The following LRIG3 variants were observed in gnomAD, a reference collection of about 807,000 sequenced individuals.
LRIG3 encodes the protein leucine rich repeats and immunoglobulin like domains 3.
A neutral mutation model predicts 114.5 loss-of-function variants in LRIG3; 76 were observed. The observed-to-expected ratio is 0.66, with a 90% CI of 0.55 to 0.80. The LOEUF is 0.80. Ranked by LOEUF, LRIG3 falls within the 30% of genes least tolerant of loss-of-function variation. The probability of loss-of-function intolerance (pLI) is 0.00; values close to 1 mark genes in which losing one functional copy is unlikely to be tolerated. For missense variants in LRIG3, 1,239 were observed against 1,382.8 expected (o/e 0.90, Z 1.65); for synonymous variants, 512 against 519.8 (o/e 0.98, Z 0.20).
At chr12:58,873,925 G>T in intron 18 of LRIG3, 130 bp downstream of exon 18, 2 of 1,045,314 alleles carry the variant, frequency 1.9e-6, no homozygotes, top group Non-Finnish European at 2.8e-6. Flanking sequence ...CTAACTAGTC[G>T]GATGTCATGG....
At chr12:58,901,560 G>A (rs951493401) in intron 3 of LRIG3, among the ~76,000 whole-genome samples, 2 of 152,106 alleles carry the variant, frequency 1.3e-5, no homozygotes, top group African/African-American at 2.4e-5. Context: ...GGCTACCACC[G>A]GGTACAGCAC....
intron 13 of LRIG3, among the ~76,000 whole-genome samples, chr12:58,879,345 T>C (rs1001158435): frequency 2.0e-5 from 3 of 152,216 alleles, no homozygotes; most frequent in Admixed American, 2.0e-4. Context: ...GGTCATCTGA[T>C]TCTCAGAATG....
intron 3 of LRIG3, among the ~76,000 whole-genome samples, chr12:58,903,805 G>C (rs11172815): frequency 0.074 from 11,056 of 150,168 alleles, 445 homozygotes; most frequent in East Asian, 0.11. Flanking sequence ...TTTCCCAGCA[G>C]CATTTATTAA....
chr12:58,892,993 G>A (rs1871507551), intron 3 of LRIG3, among the ~76,000 whole-genome samples: 1 of 152,200 alleles, frequency 6.6e-6, no homozygotes, highest in Admixed American at 6.5e-5. Context: ...AAACTGATCT[G>A]GGAATCTACC....
intron 10 of LRIG3, among the ~76,000 whole-genome samples, chr12:58,885,128 G>A (rs939434024): frequency 2.6e-5 from 4 of 152,126 alleles, no homozygotes; most frequent in African/African-American, 9.7e-5. Context: ...TGTGATGCAG[G>A]GACACTGTGC....
chr12:58,883,514 G>A lies in LRIG3; in HGVS notation c.1316+6C>T. The A allele has an allele frequency of 6.5e-7, 1 of 1,532,792 alleles. No homozygotes were observed. Among genetic ancestry groups the A allele is most frequent in the Non-Finnish European group, 8.9e-7 (1 of 1,123,816 alleles). The allele number at this position is 1,532,792 out of a possible 1,614,324, so 94.9% of individuals were successfully genotyped here. On this transcript the variant is annotated splice_donor_region_variant and intron_variant, in intron 11 of 18. Transcript: ENST00000320743. Reference sequence around the variant, plus strand: ...TCAGACTCCTAGAAGGAAAAGAAAAGCTTACAATTGTTGCAGTTTCTTCAT... The same window carrying A: ...TCAGACTCCTAGAAGGAAAAGAAAAACTTACAATTGTTGCAGTTTCTTCAT...
chr12:58,880,794 T>C lies in LRIG3; in HGVS notation c.1588A>G (p.Met530Val), dbSNP rs781149509. 1.3e-5 allele frequency: 21 copies of C among 1,614,086 alleles called. No homozygotes were observed. In the Admixed American group the frequency reaches 1.3e-4, roughly 10 times the overall value. Residue 530 changes from methionine to valine, a missense_variant, in exon 13 of 19, where the codon ATG (methionine) becomes GTG (valine). Physicochemically the swap from Met to Val is conservative, Grantham distance 21. Transcript: ENST00000320743. ...TTGTCTTTTTTCCAAGCAAAAGTCA[T>C]TGGGGAATCACTGCTGCTGGCAGCT... is the stretch of plus-strand genomic sequence containing the variant. ...CSAASSSDSP[M>V]TFAWKKDNEL...
At chr12:58,886,697 A>C (rs1250661822) in intron 9 of LRIG3, 113 bp downstream of exon 9, 11 of 800,964 alleles carry the variant, frequency 1.4e-5, no homozygotes, top group Non-Finnish European at 2.3e-5. Flanking sequence ...TGGTAACCAG[A>C]TTAAGCACTG....
At chr12:58,875,629 G>A (rs1870890964) in intron 16 of LRIG3, among the ~76,000 whole-genome samples, 2 of 152,312 alleles carry the variant, frequency 1.3e-5, no homozygotes, top group Admixed American at 6.5e-5. Flanking sequence ...TATTGTATGT[G>A]CCCCACAGTA....
chr12:58,879,224 G>A, intron 13 of LRIG3, 119 bp from the exon 14 acceptor site: 2 of 1,201,844 alleles, frequency 1.7e-6, no homozygotes, highest in Middle Eastern at 2.6e-4. Context: ...ACATAGATTG[G>A]GCAGGGGTTA....
chr12:58,900,932 C>A (rs1231978754), intron 3 of LRIG3, among the ~76,000 whole-genome samples: 1 of 152,162 alleles, frequency 6.6e-6, no homozygotes, highest in East Asian at 1.9e-4. Flanking sequence ...TGGCATTAAC[C>A]TTTAGGGAAG....
chr12:58,882,864 C>G lies in LRIG3; in HGVS notation c.1480+5G>C. ...ATAAAAGGCAAGGGCAATACTTATA[C>G]TCACCACACACAAAGCCATCTGGGC... is the stretch of plus-strand genomic sequence containing the variant. On this transcript the variant is annotated splice_donor_5th_base_variant and intron_variant, in intron 12 of 18. Coordinates refer to ENST00000320743, the MANE Select transcript of LRIG3 (RefSeq NM_153377.5). 1.2e-6 allele frequency: 2 copies of G among 1,611,268 alleles called. No individual in the cohort carries two copies. The highest frequency in any genetic ancestry group is 1.7e-6 in the Non-Finnish European group (2 of 1,178,868).
intron 16 of LRIG3, 103 bp from the exon 17 acceptor site, chr12:58,874,676 G>C (rs1443168950): frequency 6.0e-5 from 88 of 1,465,328 alleles, no homozygotes; most frequent in Non-Finnish European, 2.8e-6. Context: ...AGTTTGACTA[G>C]AACATCATAT....
chr12:58,890,216 G>A (rs1871409873), intron 4 of LRIG3, 77 bp from the exon 5 acceptor site: 2 of 1,476,858 alleles, frequency 1.4e-6, no homozygotes, highest in Non-Finnish European at 1.9e-6. Context: ...TGTATTAGAA[G>A]GAGTCTCCAG....
At chr12:58,885,777 G>T in intron 10 of LRIG3, 54 bp downstream of exon 10, 1 of 1,290,024 alleles carries the variant, frequency 7.8e-7, no homozygotes, top group Non-Finnish European at 1.1e-6. Flanking sequence ...TGACACATAA[G>T]TAAAAACCAT....
intron 12 of LRIG3, among the ~76,000 whole-genome samples, chr12:58,881,852 T>A (rs1234541665): frequency 6.6e-6 from 1 of 152,218 alleles, no homozygotes; most frequent in Non-Finnish European, 1.5e-5. Flanking sequence ...TAAATCGATG[T>A]TCAGATTCAC....
chr12:58,904,354 A>C (rs922697824), intron 3 of LRIG3, among the ~76,000 whole-genome samples: 67 of 152,208 alleles, frequency 4.4e-4, no homozygotes, highest in African/African-American at 1.5e-3. Flanking sequence ...CTGTAGCTTT[A>C]TTGTCTTGTC....
chr12:58,878,452 G>T (rs983829640), intron 14 of LRIG3, among the ~76,000 whole-genome samples: 2 of 152,068 alleles, frequency 1.3e-5, no homozygotes, highest in African/African-American at 4.8e-5. Flanking sequence ...AGAGAGTAAG[G>T]CCTTCCCAAT....
chr12:58,893,412 C>G (rs867466255), intron 3 of LRIG3, among the ~76,000 whole-genome samples: 1 of 152,100 alleles, frequency 6.6e-6, no homozygotes, highest in Non-Finnish European at 1.5e-5. Flanking sequence ...AAAAAAGAGA[C>G]GATTCAGCAG....
Sources: gnomAD v4.1 joint callset for allele counts (sites outside exome capture counted in the v4.1 genomes callset) on GRCh38, gnomAD v4.1.1 for gene constraint, MANE v1.5 for transcripts, NCBI Gene and HGNC (gene_info 2026-07-23, HGNC 2026-07-21) for gene names.